Variants in AFDN observed in about 807,000 individuals in gnomAD.
AFDN encodes the protein afadin.
A neutral mutation model predicts 216.6 loss-of-function variants in AFDN; 68 were observed. The ratio of observed to expected loss-of-function variants is 0.31; its 90% CI spans 0.26 to 0.38. AFDN has a LOEUF of 0.38. Ranked by LOEUF, AFDN falls within the 10% of genes least tolerant of loss-of-function variation. The probability of loss-of-function intolerance (pLI) is 1.00; values close to 1 mark genes in which losing one functional copy is unlikely to be tolerated. For missense variants in AFDN, 2,136 were observed against 2,342.0 expected (o/e 0.91, Z 1.82); for synonymous variants, 868 against 853.7 (o/e 1.02, Z -0.29).
chr6:167,939,992 C>T (rs1398873735), intron 23 of AFDN, among the ~76,000 whole-genome samples: 1 of 152,226 alleles, frequency 6.6e-6, no homozygotes, highest in Non-Finnish European at 1.5e-5. Context: ...TTATAAAAAG[C>T]TCAGTCTTTG....
intron 29 of AFDN, among the ~76,000 whole-genome samples, chr6:167,950,855 T>C (rs111390382): frequency 1.5e-5 from 2 of 132,472 alleles, no homozygotes; most frequent in African/African-American, 5.7e-5. Flanking sequence ...GCTTTTTTGC[T>C]TTTTTTTTTT....
At chr6:167,901,783 G>A (rs1194902181) in intron 11 of AFDN, among the ~76,000 whole-genome samples, 2 of 151,212 alleles carry the variant, frequency 1.3e-5, no homozygotes, top group African/African-American at 4.9e-5. Flanking sequence ...TCCGTTTCTT[G>A]TATAGTTAAA....
At chr6:167,961,925 T>G (rs942204579) in intron 30 of AFDN, among the ~76,000 whole-genome samples, 17 of 152,154 alleles carry the variant, frequency 1.1e-4, no homozygotes, top group African/African-American at 4.1e-4. Flanking sequence ...GATGGACGAC[T>G]GCCCGGCCCA....
chr6:167,871,243 A>G (rs574381947), intron 3 of AFDN, among the ~76,000 whole-genome samples: 23 of 151,484 alleles, frequency 1.5e-4, no homozygotes, highest in African/African-American at 5.1e-4. Context: ...TATTGACCTT[A>G]TTTGTTACTG....
chr6:167,905,000 C>T (rs982295417), intron 12 of AFDN, among the ~76,000 whole-genome samples: 4 of 152,148 alleles, frequency 2.6e-5, no homozygotes, highest in South Asian at 4.1e-4. Context: ...TCAGGCCACA[C>T]GAGGCTTCCA....
At position 167,909,422 on chromosome 6, in the gene AFDN, G is replaced by A. The variant is rs138070790; in HGVS notation, c.1770-1679G>A. 5.9e-3 allele frequency among the ~76,000 whole-genome samples: 889 copies of A among 151,760 alleles called. 16 individuals carry two copies. Among genetic ancestry groups the A allele is most frequent in the African/African-American group, 0.021 (857 of 41,514 alleles). On this transcript the variant is annotated intron_variant, in intron 13 of 33. Transcript: ENST00000683244. ...TGGTTTGCTGTTGAAAAAAAAATTA[G>A]TTAGCCAGTCTGTAAACTATTATAA...
Position 167,966,000 on chromosome 6 carries a change from G to A in AFDN, c.5212G>A (p.Val1738Ile), listed in dbSNP as rs552029262. The A allele has an allele frequency of 1.2e-5, 18 of 1,549,790 alleles. No homozygotes were observed. The highest frequency in any genetic ancestry group is 1.6e-5 in the Non-Finnish European group (18 of 1,146,580). ...SPDSLFTAKF[V>I]AYNEEEEEED... Reference sequence around the variant, plus strand: ...CGACTCGCTGTTCACTGCCAAGTTTGTTGCATACAATGAGGAGGAGGAGGA... The same window carrying A: ...CGACTCGCTGTTCACTGCCAAGTTTATTGCATACAATGAGGAGGAGGAGGA... The change falls in exon 32 of 34, where the codon GTT becomes ATT. Residue 1738 changes from valine (V) to isoleucine (I), a missense_variant. Around this residue, in one of 8 missense-constraint regions of AFDN, gnomAD observed 981 missense variants for 966.0 expected, o/e 1.02. Transcript: ENST00000683244.
At chr6:167,948,715 T>A (rs748644798) in intron 29 of AFDN, among the ~76,000 whole-genome samples, 4 of 152,264 alleles carry the variant, frequency 2.6e-5, no homozygotes, top group Admixed American at 6.5e-5. Flanking sequence ...GGCCTTACAA[T>A]TTTTAAGACA....
chr6:167,831,520 C>G (rs1336331303), intron 1 of AFDN, among the ~76,000 whole-genome samples: 1 of 152,136 alleles, frequency 6.6e-6, no homozygotes, highest in Non-Finnish European at 1.5e-5. Flanking sequence ...GAAACTACAT[C>G]TAGGCTAGTT....
intron 13 of AFDN, among the ~76,000 whole-genome samples, chr6:167,908,048 A>G (rs1789931514): frequency 6.6e-6 from 1 of 152,258 alleles, no homozygotes; most frequent in Non-Finnish European, 1.5e-5. Context: ...AGAAATACAG[A>G]AAGACTGCAT....
At chr6:167,900,032 A>G (rs1788748055) in intron 11 of AFDN, among the ~76,000 whole-genome samples, 1 of 152,180 alleles carries the variant, frequency 6.6e-6, no homozygotes, top group African/African-American at 2.4e-5. Flanking sequence ...TCTTCCTACC[A>G]TATTTCTGGC....
rs973009389 is a variant in AFDN, at chr6:167,970,754, A to G, written c.*819A>G. ...GGAAAGTTCACTAATACTTCGCTCC[A>G]AGGCGTCTGTAAAAGAAGATATCTT... On this transcript the variant is annotated 3_prime_UTR_variant, in exon 34 of 34. Coordinates refer to ENST00000683244, the MANE Select transcript of AFDN (RefSeq NM_001386888.1). The G allele has an allele frequency of 1.8e-5, 4 of 218,418 alleles. No individual in the cohort carries two copies. The Admixed American group carries it at 2.3e-4, about 13-fold the overall frequency. 13.5% of individuals were successfully genotyped at this position (218,418 alleles called of 1,614,324 possible). A position where few individuals can be genotyped will look rare whatever the true frequency, so the allele number is the denominator to read the frequency against.
At chr6:167,831,504 T>G (rs1274368469) in intron 1 of AFDN, among the ~76,000 whole-genome samples, 1 of 152,244 alleles carries the variant, frequency 6.6e-6, no homozygotes, top group African/African-American at 2.4e-5. Context: ...TGAGTCATCT[T>G]AAGTTGAAAC....
intron 23 of AFDN, among the ~76,000 whole-genome samples, chr6:167,942,475 T>A (rs912082039): frequency 6.6e-6 from 1 of 152,220 alleles, no homozygotes; most frequent in East Asian, 1.9e-4. Context: ...AAATTTTGAT[T>A]GTTATAGAGT....
At chr6:167,860,793 C>T (rs910119770) in intron 1 of AFDN, among the ~76,000 whole-genome samples, 1 of 152,148 alleles carries the variant, frequency 6.6e-6, no homozygotes, top group Non-Finnish European at 1.5e-5. Flanking sequence ...CGGAGTCCCT[C>T]GTGAGCAGGA....
At chr6:167,837,350 T>C (rs1780560555) in intron 1 of AFDN, among the ~76,000 whole-genome samples, 1 of 151,946 alleles carries the variant, frequency 6.6e-6, no homozygotes, top group South Asian at 2.1e-4. Flanking sequence ...TTACCTAGTG[T>C]TCTGCCATCT....
chr6:167,949,101 A>G (rs1795672319), intron 29 of AFDN, among the ~76,000 whole-genome samples: 3 of 152,242 alleles, frequency 2.0e-5, no homozygotes, highest in East Asian at 1.9e-4. Context: ...TTTTGTCCAC[A>G]TTAGTAGACG....
chr6:167,947,847 G>C lies in AFDN; in HGVS notation c.3554-6G>C, dbSNP rs1795508853. 1 of 1,598,732 alleles carries C rather than the reference G, an allele frequency of 6.3e-7. No homozygotes were observed. Among genetic ancestry groups the C allele is most frequent in the African/African-American group, 1.3e-5 (1 of 74,220 alleles). ...CACTTTTTTTTTTCCCCCCTGACTT[G>C]AGCAGATCAGCCTCCTAGTCCTGGA... On this transcript the variant is annotated splice_region_variant and splice_polypyrimidine_tract_variant and intron_variant, in intron 27 of 33. Coordinates refer to ENST00000683244, the MANE Select transcript of AFDN (RefSeq NM_001386888.1).
chr6:167,913,310 A>C (rs1445071284), intron 15 of AFDN, 93 bp from the exon 16 acceptor site: 1 of 1,204,096 alleles, frequency 8.3e-7, no homozygotes, highest in Non-Finnish European at 1.2e-6. Flanking sequence ...TCGTACCTTC[A>C]TATTAGTGTT....
Sources: allele counts gnomAD v4.1 joint callset (sites outside exome capture counted in the v4.1 genomes callset), GRCh38; gene constraint gnomAD v4.1.1; regional missense constraint gnomAD v4.1.1; transcripts MANE v1.5; gene names NCBI Gene and HGNC (gene_info 2026-07-23, HGNC 2026-07-21).